The following TUT7 variants were observed in gnomAD, a reference collection of about 807,000 sequenced individuals.
The protein encoded by TUT7 is terminal uridylyl transferase 7, also known as terminal uridylyltransferase 7.
In TUT7, 33 loss-of-function variants were observed where a neutral mutation model predicts 165.9. That is an observed-to-expected ratio of 0.20 (90% CI 0.15 to 0.27). The LOEUF is 0.27. Ranked by LOEUF, TUT7 falls within the 10% of genes least tolerant of loss-of-function variation. The pLI is 1.00. For missense variants in TUT7, 1,338 were observed against 1,762.3 expected (o/e 0.76, Z 4.31); for synonymous variants, 552 against 608.1 (o/e 0.91, Z 1.36).
Position 86,301,514 on chromosome 9 carries a change from A to G in TUT7, c.4182T>C (p.Ile1394=). ...CCTCCCTTTCTGTGTACTTGTTGTG[A>G]ATTTCTTTGTCCTCTTTGCTTCTTT... is the stretch of plus-strand genomic sequence containing the variant. ...KEKRSKEDKE[I]HNKYTEREVS... The change falls in exon 26 of 27, where the codon ATT becomes ATC. Residue 1394 remains isoleucine, a synonymous_variant. Transcript: ENST00000375963. 1 of 1,612,644 alleles carries G rather than the reference A, an allele frequency of 6.2e-7. No homozygotes were observed. Among genetic ancestry groups the G allele is most frequent in the Non-Finnish European group, 8.5e-7 (1 of 1,179,768 alleles).
intron 22 of TUT7, among the ~76,000 whole-genome samples, chr9:86,306,676 G>A (rs764805346): frequency 3.9e-5 from 6 of 152,034 alleles, no homozygotes; most frequent in Non-Finnish European, 8.8e-5. Flanking sequence ...GCTTGGTGGT[G>A]TGTGCCTGTA....
chr9:86,320,792 A>G (rs1442868803), intron 14 of TUT7, among the ~76,000 whole-genome samples: 6 of 152,108 alleles, frequency 3.9e-5, no homozygotes, highest in African/African-American at 9.7e-5. Flanking sequence ...CTCTCTTCCA[A>G]CGATTTTGGG....
At chr9:86,328,815 C>T (rs1349181695) in intron 10 of TUT7, among the ~76,000 whole-genome samples, 1 of 152,100 alleles carries the variant, frequency 6.6e-6, no homozygotes, top group East Asian at 1.9e-4. Flanking sequence ...CATATACTAG[C>T]TGTATAACCT....
intron 10 of TUT7, among the ~76,000 whole-genome samples, chr9:86,331,659 G>A (rs1342358098): frequency 1.3e-5 from 2 of 152,014 alleles, no homozygotes; most frequent in Non-Finnish European, 2.9e-5. Flanking sequence ...CTCTCGTTTG[G>A]TTACAATTTA....
intron 8 of TUT7, among the ~76,000 whole-genome samples, 179 bp from the exon 9 acceptor site, chr9:86,339,128 A>G (rs1310061884): frequency 6.6e-6 from 1 of 152,256 alleles, no homozygotes; most frequent in Non-Finnish European, 1.5e-5. Flanking sequence ...TTTCTTTACA[A>G]AAAAGATATC....
intron 14 of TUT7, among the ~76,000 whole-genome samples, chr9:86,320,022 T>G (rs1294761132): frequency 2.0e-5 from 3 of 151,954 alleles, no homozygotes; most frequent in Non-Finnish European, 2.9e-5. Flanking sequence ...TAATGTAAAA[T>G]TTAAGATGTC....
intron 10 of TUT7, among the ~76,000 whole-genome samples, chr9:86,328,902 G>GTT (rs1249440705): frequency 6.6e-6 from 1 of 152,024 alleles, no homozygotes; most frequent in Non-Finnish European, 1.5e-5. Context: ...TCATGGGATG[G>GTT]TTATGATATA....
intron 6 of TUT7, 56 bp from the exon 7 acceptor site, chr9:86,341,109 G>T: frequency 6.9e-7 from 1 of 1,445,168 alleles, no homozygotes. Context: ...TTGCTTCACT[G>T]ATATAAGAGT....
At chr9:86,334,652 G>A (rs929582506) in intron 10 of TUT7, among the ~76,000 whole-genome samples, 4 of 152,122 alleles carry the variant, frequency 2.6e-5, no homozygotes, top group East Asian at 1.9e-4. Context: ...TGAGAGTGAC[G>A]ACTTCTGGGC....
At chr9:86,346,576 T>C in intron 2 of TUT7, 96 bp from the exon 3 acceptor site, 2 of 1,254,788 alleles carry the variant, frequency 1.6e-6, no homozygotes, top group Non-Finnish European at 2.2e-6. Flanking sequence ...TGTGAGAGAA[T>C]AAATCACATC....
At chr9:86,334,434 T>C (rs1830587382) in intron 10 of TUT7, among the ~76,000 whole-genome samples, 1 of 152,118 alleles carries the variant, frequency 6.6e-6, no homozygotes, top group Non-Finnish European at 1.5e-5. Context: ...TTCGGAAATT[T>C]GTCAACTACA....
Position 86,328,447 on chromosome 9 carries a change from C to T in TUT7, c.1501G>A (p.Asp501Asn). The T allele has an allele frequency of 6.2e-7, 1 of 1,611,718 alleles. No individual in the cohort carries two copies. The highest frequency in any genetic ancestry group is 8.5e-7 in the Non-Finnish European group (1 of 1,178,868). Reference sequence around the variant, plus strand: ...CAGATCACAACATCTTTTTCAATGTCTTGAAGGTTGAAATTCCCTAGTTTG... The same window carrying T: ...CAGATCACAACATCTTTTTCAATGTTTTGAAGGTTGAAATTCCCTAGTTTG... ...LSKLGNFNLQ[D>N]IEKDVVIWEH... is the part of the protein sequence containing the mutation. Residue 501 changes from aspartate (D) to asparagine (N), a missense_variant, in exon 11 of 27, where the codon GAC becomes AAC. Coordinates refer to ENST00000375963, the MANE Select transcript of TUT7 (RefSeq NM_024617.4).
intron 22 of TUT7, among the ~76,000 whole-genome samples, chr9:86,307,103 T>C (rs1371167928): frequency 1.3e-5 from 2 of 152,122 alleles, no homozygotes; most frequent in East Asian, 1.9e-4. Context: ...AAACCCCGTC[T>C]CTACTAAAAA....
At position 86,337,136 on chromosome 9, in the gene TUT7, C is replaced by T. The variant is rs184175493; in HGVS notation, c.1455+283G>A. ...AAGAATGTACCAAATGGTAAATTTA[C>T]AGGGTCAGTCTCTTGTTCGTCTCAG... is the stretch of plus-strand genomic sequence containing the variant. On this transcript the variant is annotated intron_variant, in intron 10 of 26. Transcript: ENST00000375963. The T allele has an allele frequency of 2.1e-4, 46 of 222,386 alleles. No homozygotes were observed. The East Asian group carries it at 4.4e-3, about 21-fold the overall frequency. The allele number at this position is 222,386 out of a possible 1,614,324, so 13.8% of individuals were successfully genotyped here.
At chr9:86,337,650 A>T in intron 9 of TUT7, 112 bp from the exon 10 acceptor site, 1 of 1,277,358 alleles carries the variant, frequency 7.8e-7, no homozygotes, top group Non-Finnish European at 1.1e-6. Flanking sequence ...ATTTACGGTA[A>T]TTCTTCAGCT....
At chr9:86,309,901 A>C in intron 19 of TUT7, 27 bp downstream of exon 19, 1 of 1,582,972 alleles carries the variant, frequency 6.3e-7, no homozygotes, top group South Asian at 1.1e-5. Flanking sequence ...AAATTTCCTG[A>C]TAAGTCACAA....
chr9:86,334,085 C>T (rs927187089), intron 10 of TUT7, among the ~76,000 whole-genome samples: 2 of 151,676 alleles, frequency 1.3e-5, no homozygotes, highest in African/African-American at 4.8e-5. Context: ...ATAACTATTT[C>T]CCAGTTCTCC....
chr9:86,344,063 T>C (rs909318006), intron 5 of TUT7, among the ~76,000 whole-genome samples: 9 of 152,232 alleles, frequency 5.9e-5, no homozygotes, highest in African/African-American at 2.2e-4. Flanking sequence ...TTTTCCCTTA[T>C]TCTTATGAAA....
chr9:86,340,509 A>G (rs1434346409), intron 7 of TUT7, among the ~76,000 whole-genome samples: 2 of 152,238 alleles, frequency 1.3e-5, no homozygotes, highest in African/African-American at 4.8e-5. Flanking sequence ...TGACTAATTC[A>G]AGAGATGACA....
Sources: gnomAD v4.1 joint callset for allele counts (sites outside exome capture counted in the v4.1 genomes callset) on GRCh38, gnomAD v4.1.1 for gene constraint, MANE v1.5 for transcripts, NCBI Gene and HGNC (gene_info 2026-07-23, HGNC 2026-07-21) for gene names.